The following HS1BP3 variants were observed in gnomAD, a reference collection of about 807,000 sequenced individuals.
HS1BP3 encodes HCLS1-binding protein 3.
HS1BP3 carries 32 observed loss-of-function variants against 33.5 expected under a neutral mutation model. The observed-to-expected ratio is 0.95, with a 90% CI of 0.72 to 1.28. The LOEUF (loss-of-function observed/expected upper bound fraction) is 1.28, where lower values mean the gene tolerates loss of function less well. HS1BP3 is among the 50% of genes most tolerant of loss of function. The pLI is 0.00. For synonymous variants in HS1BP3, 187 were observed against 209.2 expected (o/e 0.89, Z 0.92); for missense variants, 486 against 502.3 (o/e 0.97, Z 0.31).
chr2:20,619,332 G>T lies in HS1BP3; in HGVS notation c.921-87C>A, dbSNP rs562325547. The T allele has an allele frequency of 4.1e-6, 5 of 1,211,118 alleles. No individual in the cohort carries two copies. In the African/African-American group the frequency reaches 6.1e-5, roughly 15 times the overall value. The allele number at this position is 1,211,118 out of a possible 1,614,324, so 75.0% of individuals were successfully genotyped here. On this transcript the variant is annotated intron_variant, in intron 6 of 6. Coordinates refer to ENST00000304031, the MANE Select transcript of HS1BP3 (RefSeq NM_022460.4). ...CCCAGGCAATGCCAGTGCCCACACG[G>T]GGCTGGGCAGCGGCAGGGAGCCCAG...
chr2:20,650,573 C>G (rs1242470141), intron 1 of HS1BP3, among the ~76,000 whole-genome samples: 1 of 152,212 alleles, frequency 6.6e-6, no homozygotes, highest in Non-Finnish European at 1.5e-5. Context: ...GCTTACTACC[C>G]GCTGCTGGCA....
At chr2:20,559,257 G>A (rs560491794), downstream of HS1BP3, among the ~76,000 whole-genome samples, 4 of 152,312 alleles carry the variant, frequency 2.6e-5, no homozygotes, top group East Asian at 7.7e-4. Context: ...CTCCAGGCAG[G>A]TTGGAATTGC....
Position 20,618,914 on chromosome 2 carries a change from G to A in HS1BP3, c.*73C>T, listed in dbSNP as rs1348747526. The A allele has an allele frequency of 4.6e-6, 7 of 1,524,252 alleles. No individual in the cohort carries two copies. Among genetic ancestry groups the A allele is most frequent in the South Asian group, 1.3e-5 (1 of 77,284 alleles). The allele number at this position is 1,524,252 out of a possible 1,614,324, so 94.4% of individuals were successfully genotyped here. On this transcript the variant is annotated 3_prime_UTR_variant, in exon 7 of 7. Transcript: ENST00000304031. ...GGGGTGGGGAGGTTCTGACCCTGCA[G>A]GGCCCAGTCCCTTCCCTTCACACCG...
At chr2:20,600,246 C>T (rs1694041790) in intron 2 of HS1BP3, among the ~76,000 whole-genome samples, 1 of 152,182 alleles carries the variant, frequency 6.6e-6, no homozygotes, top group Non-Finnish European at 1.5e-5. Context: ...TGACCCTGCC[C>T]CTGGCACCAA....
chr2:20,611,128 T>G lies in HS1BP3; in HGVS notation c.178+12768A>C, dbSNP rs1405462778. On this transcript the variant is annotated intron_variant, in intron 2 of 3. Transcript: ENST00000415264. The surrounding 1 kb of genome is among the most constrained non-coding windows in gnomAD (Gnocchi z 4.9). ...CCATTGTGGTATGTCTGTTAGAGGG[T>G]TTTTCCTTTTTGACGCTGCACAGCA... 6.6e-6 allele frequency among the ~76,000 whole-genome samples: 1 copy of G among 152,204 alleles called. No homozygotes were observed. The highest frequency in any genetic ancestry group is 1.5e-5 in the Non-Finnish European group (1 of 68,030).
At chr2:20,588,619 G>A (rs1280701771), downstream of HS1BP3, among the ~76,000 whole-genome samples, 2 of 152,144 alleles carry the variant, frequency 1.3e-5, no homozygotes, top group Non-Finnish European at 2.9e-5. Flanking sequence ...GAACCACCAC[G>A]CCCAGCCTTC....
chr2:20,590,001 G>A (rs1693773639), downstream of HS1BP3, among the ~76,000 whole-genome samples: 1 of 152,176 alleles, frequency 6.6e-6, no homozygotes, highest in Admixed American at 6.5e-5. Context: ...GTCTGGTGAA[G>A]AGTTAATGCT....
chr2:20,585,479 A>G (rs1415678295), intron 5 of HS1BP3, among the ~76,000 whole-genome samples: 2 of 152,200 alleles, frequency 1.3e-5, no homozygotes, highest in African/African-American at 4.8e-5. Context: ...TAATAGTGTC[A>G]TTTTCTGATG....
chr2:20,565,287 C>T lies in HS1BP3; in HGVS notation c.303-4772G>A, dbSNP rs1325833110. On this transcript the variant is annotated intron_variant, in intron 5 of 5. Transcript: ENST00000446825. ...CTGCACACTCACCCAGGGCAGCAGC[C>T]CCCGTGTCGCCCACAGCCTGCTCTC... Among the ~76,000 whole-genome samples the T allele has an allele frequency of 2.0e-5, 3 of 152,276 alleles. No individual in the cohort carries two copies. The East Asian group carries it at 5.8e-4, about 29-fold the overall frequency.
intron 2 of HS1BP3, among the ~76,000 whole-genome samples, chr2:20,605,576 C>T (rs573313801): frequency 6.6e-6 from 1 of 152,272 alleles, no homozygotes; most frequent in Non-Finnish European, 1.5e-5. Flanking sequence ...CAAAGGAAAA[C>T]CTATACCTCC....
At chr2:20,579,880 A>T (rs1693491103) in intron 5 of HS1BP3, among the ~76,000 whole-genome samples, 1 of 152,294 alleles carries the variant, frequency 6.6e-6, no homozygotes, top group Non-Finnish European at 1.5e-5. Flanking sequence ...CGTAAGGCAC[A>T]TAAAGTTCCA....
the HS1BP3 span, among the ~76,000 whole-genome samples, chr2:20,554,996 T>A: frequency 6.6e-6 from 1 of 152,144 alleles, no homozygotes; most frequent in African/African-American, 2.4e-5. Flanking sequence ...ATGCGGGAAC[T>A]TGACTTTCCT....
intron 2 of HS1BP3, among the ~76,000 whole-genome samples, chr2:20,599,609 A>AACACACACAC (rs59149167): frequency 8.7e-4 from 119 of 136,254 alleles, no homozygotes; most frequent in South Asian, 3.2e-3. Context: ...CTTCTTGTGT[A>AACACACACAC]ACACACACAC....
rs190436758 is a variant in HS1BP3, at chr2:20,580,789, C to G, written c.303-20274G>C. On this transcript the variant is annotated intron_variant, in intron 5 of 5. Transcript: ENST00000446825. ...AGAAAGTGGGGGTAAAAGAAACCCTCAGGAGCTGCTGGTGGAAGTAAACAC... is the reference window on the plus strand; with the variant it reads ...AGAAAGTGGGGGTAAAAGAAACCCTGAGGAGCTGCTGGTGGAAGTAAACAC... Among the ~76,000 whole-genome samples the G allele has an allele frequency of 3.2e-3, 489 of 152,292 alleles. 3 individuals carry two copies. Among genetic ancestry groups the G allele is most frequent in the Non-Finnish European group, 5.7e-3 (389 of 68,016 alleles).
chr2:20,641,259 C>A, intron 2 of HS1BP3, 79 bp from the exon 3 acceptor site: 1 of 1,292,664 alleles, frequency 7.7e-7, no homozygotes, highest in South Asian at 1.3e-5. Flanking sequence ...CAGGGGTTCC[C>A]AAGGCCCAGC....
chr2:20,593,368 G>A (rs1340904670), intron 3 of HS1BP3, among the ~76,000 whole-genome samples: 1 of 152,132 alleles, frequency 6.6e-6, no homozygotes, highest in Non-Finnish European at 1.5e-5. Context: ...TAGGCCACAG[G>A]CTTGTTTTGT....
intron 5 of HS1BP3, among the ~76,000 whole-genome samples, chr2:20,562,184 TAATCAATG>T (rs1462327613): frequency 1.3e-5 from 2 of 152,140 alleles, no homozygotes; most frequent in Non-Finnish European, 2.9e-5. Context: ...ACATCCTTTA[TAATCAATG>T]GGTAGGTCAG....
chr2:20,638,418 C>A lies in HS1BP3; in HGVS notation c.623+18G>T. ...CTGGAATACACCAAAGGGGCCCTCT[C>A]AACAACAGGAGACCAACCGCATAAT... is the stretch of plus-strand genomic sequence containing the variant. On this transcript the variant is annotated intron_variant, in intron 4 of 6. Coordinates refer to ENST00000304031, the MANE Select transcript of HS1BP3 (RefSeq NM_022460.4). The A allele has an allele frequency of 1.2e-6, 2 of 1,610,762 alleles. No individual in the cohort carries two copies. Among genetic ancestry groups the A allele is most frequent in the Non-Finnish European group, 1.7e-6 (2 of 1,177,758 alleles).
downstream of HS1BP3, among the ~76,000 whole-genome samples, chr2:20,592,139 G>A (rs1399804065): frequency 0.022 from 3 of 134 alleles, no homozygotes; most frequent in East Asian, 0.12. Flanking sequence ...TCTCACATAC[G>A]TGCCCTGCTG....
Sources: gnomAD v4.1 joint callset for allele counts (sites outside exome capture counted in the v4.1 genomes callset) on GRCh38, gnomAD v4.1.1 for gene constraint, Gnocchi (gnomAD v3.1) non-coding constraint, MANE v1.5 for transcripts, NCBI Gene and HGNC (gene_info 2026-07-23, HGNC 2026-07-21) for gene names.